B3GALT1: variants seen among roughly 807,000 people sequenced by gnomAD.
B3GALT1 encodes beta-1,3-galactosyltransferase 1, also known as UDP-Gal:betaGlcNAc beta 1,3-galactosyltransferase, polypeptide 1.
A neutral mutation model predicts 23.2 loss-of-function variants in B3GALT1; 10 were observed. The ratio of observed to expected loss-of-function variants is 0.43; its 90% CI spans 0.27 to 0.73. B3GALT1 has a LOEUF of 0.73. Among genes scored for constraint, B3GALT1 ranks in the 30% least tolerant of loss-of-function variants. B3GALT1 has a pLI of 0.21. For missense variants in B3GALT1, 299 were observed against 405.4 expected (o/e 0.74, Z 2.25); for synonymous variants, 156 against 141.5 (o/e 1.10, Z -0.73).
rs116692847 is a variant in B3GALT1 at position 167,831,863 on chromosome 2, A to C, written c.-230+13070A>C. 4.0e-3 allele frequency among the ~76,000 whole-genome samples: 611 copies of C among 152,334 alleles called. 2 individuals carry two copies. Among genetic ancestry groups the C allele is most frequent in the Non-Finnish European group, 7.2e-3 (490 of 68,038 alleles). The stretch of plus-strand genomic sequence containing the variant: ...AGAGGAGAGAAAATAATGACTCAAA[A>C]GATAGTGTCTAATAGTCTTTTATAA... On this transcript the variant is annotated intron_variant, in intron 4 of 4. Coordinates refer to ENST00000392690, the MANE Select transcript of B3GALT1 (RefSeq NM_020981.4).
Position 167,352,957 on chromosome 2 carries a change from A to G in B3GALT1, c.-511+59623A>G, listed in dbSNP as rs537351449. 8.5e-5 allele frequency among the ~76,000 whole-genome samples: 13 copies of G among 152,372 alleles called. No individual in the cohort carries two copies. The South Asian group carries it at 2.7e-3, about 32-fold the overall frequency. On this transcript the variant is annotated intron_variant, in intron 1 of 4. Transcript: ENST00000392690. ...CACTGTACATAATAAACCCAGTGTGATTTGAGGTGCCAAGAGATTATTGAT... is the reference window on the plus strand; with the variant it reads ...CACTGTACATAATAAACCCAGTGTGGTTTGAGGTGCCAAGAGATTATTGAT...
chr2:167,590,303 G>A (rs1201509765), intron 2 of B3GALT1, among the ~76,000 whole-genome samples: 1 of 144,872 alleles, frequency 6.9e-6, no homozygotes, highest in African/African-American at 2.6e-5. Context: ...CTGAGATCGT[G>A]CCACTGCACT....
chr2:167,541,704 C>T (rs887081692), intron 2 of B3GALT1, among the ~76,000 whole-genome samples: 1 of 152,020 alleles, frequency 6.6e-6, no homozygotes, highest in Admixed American at 6.6e-5. Flanking sequence ...TATTTTTATG[C>T]TGATTATATT....
At chr2:167,447,416 G>A (rs1209997746) in intron 1 of B3GALT1, among the ~76,000 whole-genome samples, 2 of 152,222 alleles carry the variant, frequency 1.3e-5, no homozygotes, top group Admixed American at 6.5e-5. Context: ...TAAGTCTGCA[G>A]AAGTTTCTGC....
At chr2:167,326,175 G>C (rs1696889778) in intron 1 of B3GALT1, among the ~76,000 whole-genome samples, 1 of 149,748 alleles carries the variant, frequency 6.7e-6, no homozygotes, top group African/African-American at 2.4e-5. Context: ...TTTACCTGAT[G>C]ATTAGTGATG....
At chr2:167,392,959 G>T (rs1448270683) in intron 1 of B3GALT1, among the ~76,000 whole-genome samples, 1 of 152,178 alleles carries the variant, frequency 6.6e-6, no homozygotes, top group African/African-American at 2.4e-5. Context: ...GTTTAGCCGG[G>T]CGCAGTGGCT....
chr2:167,675,017 A>G (rs980471667), intron 3 of B3GALT1, among the ~76,000 whole-genome samples: 2 of 152,230 alleles, frequency 1.3e-5, no homozygotes, highest in African/African-American at 4.8e-5. Flanking sequence ...AATTACAGAC[A>G]CATAACAGCC....
chr2:167,590,943 A>C (rs1054144824), intron 2 of B3GALT1, among the ~76,000 whole-genome samples: 1 of 152,146 alleles, frequency 6.6e-6, no homozygotes, highest in Non-Finnish European at 1.5e-5. Flanking sequence ...CTGGCCAGGC[A>C]TTTATTCATT....
chr2:167,463,438 T>C (rs1224563950), intron 1 of B3GALT1, among the ~76,000 whole-genome samples: 1 of 152,158 alleles, frequency 6.6e-6, no homozygotes, highest in Non-Finnish European at 1.5e-5. Flanking sequence ...AGCACTATTC[T>C]AAGTATTTTA....
chr2:167,589,969 A>G (rs1684646484), intron 2 of B3GALT1, among the ~76,000 whole-genome samples: 1 of 152,002 alleles, frequency 6.6e-6, no homozygotes, highest in South Asian at 2.1e-4. Context: ...TTTTCTCCCC[A>G]TCTCCATTGC....
At chr2:167,526,986 A>G (rs1683230913) in intron 2 of B3GALT1, among the ~76,000 whole-genome samples, 1 of 152,156 alleles carries the variant, frequency 6.6e-6, no homozygotes, top group African/African-American at 2.4e-5. Context: ...TACCGTATAT[A>G]CTGTTCCTAA....
chr2:167,422,125 G>A lies in B3GALT1; in HGVS notation c.-510-68052G>A, dbSNP rs189704110. 1.0e-3 allele frequency among the ~76,000 whole-genome samples: 154 copies of A among 151,368 alleles called. 3 individuals carry two copies. Among genetic ancestry groups the A allele is most frequent in the African/African-American group, 3.5e-3 (143 of 41,240 alleles). On this transcript the variant is annotated intron_variant, in intron 1 of 4. Coordinates refer to ENST00000392690, the MANE Select transcript of B3GALT1 (RefSeq NM_020981.4). ...GGGGAGAAGAAAGAATAAGAAGGGA[G>A]GAGAAGGGGGAGGAGGAGGGAGGAA...
intron 3 of B3GALT1, among the ~76,000 whole-genome samples, chr2:167,707,173 C>T (rs543444055): frequency 6.6e-6 from 1 of 152,282 alleles, no homozygotes; most frequent in South Asian, 2.1e-4. Context: ...AGTGGACTCT[C>T]CATGCCCCAA....
intron 3 of B3GALT1, among the ~76,000 whole-genome samples, chr2:167,663,823 G>A (rs1686118325): frequency 6.6e-6 from 1 of 151,972 alleles, no homozygotes; most frequent in African/African-American, 2.4e-5. Context: ...TTTTTTTCTT[G>A]TAAATTTGTT....
At position 167,396,905 on chromosome 2, in the gene B3GALT1, A is replaced by G. The variant is rs1408549521; in HGVS notation, c.-510-93272A>G. Among the ~76,000 whole-genome samples the G allele has an allele frequency of 2.0e-5, 3 of 152,136 alleles. No individual in the cohort carries two copies. In the East Asian group the frequency reaches 5.8e-4, roughly 29 times the overall value. ...GTCCTCATAAAAATGGCATGCTCTA[A>G]TGCAATGAACAAAGTTCTCAACAGC... On this transcript the variant is annotated intron_variant, in intron 1 of 4. Transcript: ENST00000392690.
Position 167,869,141 on chromosome 2 carries a change from C to T in B3GALT1, c.102C>T (p.Gly34=), listed in dbSNP as rs775071929. The change falls in exon 5 of 5, where the codon GGC becomes GGT. Residue 34 remains glycine, a synonymous_variant. Transcript: ENST00000392690. The surrounding 1 kb of genome is among the most constrained non-coding windows in gnomAD (Gnocchi z 6.4). ...CTCGCCCTACTTCTTCTTACACTGG[C>T]TCCAAACCATTCAGCCACCTAACAG... ...SITRPTSSYT[G]SKPFSHLTVA... The T allele has an allele frequency of 1.5e-5, 24 of 1,614,110 alleles. No homozygotes were observed. Among genetic ancestry groups the T allele is most frequent in the Middle Eastern group, 3.3e-4 (2 of 6,084 alleles).
chr2:167,659,156 G>A (rs1371304642), intron 3 of B3GALT1, among the ~76,000 whole-genome samples: 1 of 151,204 alleles, frequency 6.6e-6, no homozygotes. Flanking sequence ...ATATAAACAA[G>A]ATATAGATAC....
intron 3 of B3GALT1, among the ~76,000 whole-genome samples, chr2:167,750,734 C>CAA (rs527622209): frequency 5.5e-4 from 32 of 58,474 alleles, no homozygotes; most frequent in South Asian, 1.6e-3. Flanking sequence ...GACTGTTGAG[C>CAA]AAAAAAAAAA....
At chr2:167,815,231 C>T (rs1005280121) in intron 3 of B3GALT1, 1 of 152,154 alleles carries the variant, frequency 6.6e-6, no homozygotes. Context: ...AGCGACCCCA[C>T]CTATAGTGAA....
Sources: allele counts gnomAD v4.1 joint callset (sites outside exome capture counted in the v4.1 genomes callset), GRCh38; gene constraint gnomAD v4.1.1; non-coding constraint Gnocchi (gnomAD v3.1); transcripts MANE v1.5; gene names NCBI Gene and HGNC (gene_info 2026-07-23, HGNC 2026-07-21).